Variants in TRMO observed in about 807,000 individuals in gnomAD.
The protein encoded by TRMO is tRNA methyltransferase O.
TRMO carries 30 observed loss-of-function variants against 37.2 expected under a neutral mutation model. The ratio of observed to expected loss-of-function variants is 0.81; its 90% CI spans 0.60 to 1.09. The LOEUF (loss-of-function observed/expected upper bound fraction) is 1.09. Among genes scored for constraint, TRMO ranks in the 50% least tolerant of loss-of-function variants. The probability of loss-of-function intolerance (pLI) is 0.00; values close to 1 mark genes in which losing one functional copy is unlikely to be tolerated. For missense variants in TRMO, 552 were observed against 549.5 expected (o/e 1.00, Z -0.05); for synonymous variants, 239 against 199.4 (o/e 1.20, Z -1.67).
rs1826056734 is a variant in TRMO at position 97,910,345 on chromosome 9, T to A, written c.681A>T (p.Ser227=). 1 of 1,614,120 alleles carries A rather than the reference T, an allele frequency of 6.2e-7. No individual in the cohort carries two copies. Among genetic ancestry groups the A allele is most frequent in the African/African-American group, 1.3e-5 (1 of 74,936 alleles). ...RKPKCPEDRT[S]EENYLTHSDT... Reference sequence around the variant, plus strand: ...CACTGTGTGTCAGGTAGTTTTCTTCTGAAGTTCTGTCTTCAGGACATTTAG... The same window carrying A: ...CACTGTGTGTCAGGTAGTTTTCTTCAGAAGTTCTGTCTTCAGGACATTTAG... Residue 227 remains serine (S), a synonymous_variant, in exon 4 of 5, where the codon TCA becomes TCT. Transcript: ENST00000375119.
chr9:97,901,510 C>T (rs1831168646), downstream of TRMO, among the ~76,000 whole-genome samples: 1 of 152,120 alleles, frequency 6.6e-6, no homozygotes, highest in African/African-American at 2.4e-5. Flanking sequence ...TTTGAGTTTT[C>T]TTGTAGCTCA....
chr9:97,913,945 G>A (rs1826243446), intron 2 of TRMO: 1 of 157,346 alleles, frequency 6.4e-6, no homozygotes, highest in Admixed American at 6.4e-5. Flanking sequence ...CCATTTTTGG[G>A]ATGAGGAAAT....
At chr9:97,919,154 G>A (rs1220547533) in intron 1 of TRMO, among the ~76,000 whole-genome samples, 1 of 151,928 alleles carries the variant, frequency 6.6e-6, no homozygotes, top group African/African-American at 2.4e-5. Flanking sequence ...TGCTTCTATG[G>A]AACAGATATA....
chr9:97,922,315 A>G (rs894832511), intron 1 of TRMO, 103 bp downstream of exon 1: 32 of 759,468 alleles, frequency 4.2e-5, no homozygotes, highest in Non-Finnish European at 6.1e-5. Flanking sequence ...AGAATGACGC[A>G]CGTCAGTTCC....
downstream of TRMO, among the ~76,000 whole-genome samples, chr9:97,904,238 T>C (rs1587826834): frequency 6.6e-6 from 1 of 152,210 alleles, no homozygotes; most frequent in South Asian, 2.1e-4. Flanking sequence ...TGTGTGACTA[T>C]GTCACAAAGT....
intron 4 of TRMO, among the ~76,000 whole-genome samples, chr9:97,908,799 T>G (rs1178469181): frequency 6.6e-6 from 1 of 152,222 alleles, no homozygotes; most frequent in African/African-American, 2.4e-5. Context: ...TGTTCACTGA[T>G]GTATTCCAAG....
Position 97,922,407 on chromosome 9 carries a change from T to A in TRMO, c.76+11A>T, listed in dbSNP as rs187366296. ...TCTCCAGAGTGTGGCACCGCCGGTG[T>A]TGGAAGTTACCTGTCTCCAGAGCCG... On this transcript the variant is annotated intron_variant, in intron 1 of 4. Coordinates refer to ENST00000375119, the MANE Select transcript of TRMO (RefSeq NM_016481.5). The A allele has an allele frequency of 4.8e-5, 75 of 1,557,816 alleles. No homozygotes were observed. The highest frequency in any genetic ancestry group is 6.3e-5 in the Non-Finnish European group (72 of 1,144,856).
chr9:97,920,884 T>C (rs1022225823), intron 1 of TRMO, among the ~76,000 whole-genome samples: 10 of 152,244 alleles, frequency 6.6e-5, no homozygotes, highest in Non-Finnish European at 1.5e-4. Context: ...TATTCTCCAC[T>C]GTTAACAGAC....
chr9:97,906,058 G>A (rs1252277806), intron 4 of TRMO, among the ~76,000 whole-genome samples: 1 of 151,790 alleles, frequency 6.6e-6, no homozygotes, highest in Admixed American at 6.6e-5. Context: ...TAGCTACTCA[G>A]GAGGCAGGAG....
At position 97,904,758 on chromosome 9, in the gene TRMO, C is replaced by T. The variant is rs749794578; in HGVS notation, c.1301G>A (p.Gly434Glu). ...TTAAGACCCTAGAGACACCAAGGAC[C>T]CCACAGGGCCAGTCATATGAACAGG... ...SEPVHMTGPVGSLVSLGS is the reference protein window; with the variant it reads ...SEPVHMTGPVESLVSLGS Residue 434 changes from glycine to glutamate, a missense_variant, in exon 5 of 5, where the codon GGG becomes GAG. By Grantham distance (98) the Gly-to-Glu change is moderately conservative. Coordinates refer to ENST00000375119, the MANE Select transcript of TRMO (RefSeq NM_016481.5). 6.2e-7 allele frequency: 1 copy of T among 1,611,380 alleles called. No individual in the cohort carries two copies. Among genetic ancestry groups the T allele is most frequent in the Non-Finnish European group, 8.5e-7 (1 of 1,180,000 alleles).
At chr9:97,905,613 CAT>C (rs1825822257) in intron 4 of TRMO, among the ~76,000 whole-genome samples, 1 of 152,112 alleles carries the variant, frequency 6.6e-6, no homozygotes, top group South Asian at 2.1e-4. Flanking sequence ...ATGTATAAAA[CAT>C]AAATTTAGAA....
intron 1 of TRMO, among the ~76,000 whole-genome samples, chr9:97,922,130 C>A (rs973249174): frequency 6.6e-6 from 1 of 152,186 alleles, no homozygotes; most frequent in Non-Finnish European, 1.5e-5. Context: ...GGCAAGGAAA[C>A]CCCTAAGAGA....
downstream of TRMO, among the ~76,000 whole-genome samples, chr9:97,901,472 T>C (rs1158962062): frequency 6.6e-6 from 1 of 152,218 alleles, no homozygotes; most frequent in African/African-American, 2.4e-5. Flanking sequence ...GCTGTAACAC[T>C]ATTTTTGACA....
At chr9:97,898,568 G>T in the TRMO span, among the ~76,000 whole-genome samples, 1,322 of 151,896 alleles carry the variant, frequency 8.7e-3, 13 homozygotes, top group Non-Finnish European at 0.014. Context: ...AAAAAATTTT[G>T]TTTTAGAGAC....
chr9:97,907,171 T>C (rs900442854), intron 4 of TRMO, among the ~76,000 whole-genome samples: 1 of 152,228 alleles, frequency 6.6e-6, no homozygotes, highest in Non-Finnish European at 1.5e-5. Context: ...ACCACGAGAC[T>C]GCCGTGTCCA....
At position 97,916,230 on chromosome 9, in the gene TRMO, A is replaced by T; in HGVS notation, c.185T>A (p.Ile62Asn). Residue 62 changes from isoleucine (I) to asparagine (N), a missense_variant, in exon 2 of 5, where the codon ATT (isoleucine) becomes AAT (asparagine). Coordinates refer to ENST00000375119, the MANE Select transcript of TRMO (RefSeq NM_016481.5). ...AGGATTATTAAAGATCCTCTTTCTAATCCTCAAACAGGCTCGAGAATAGCT... is the reference window on the plus strand; with the variant it reads ...AGGATTATTAAAGATCCTCTTTCTATTCCTCAAACAGGCTCGAGAATAGCT... ...ICSYSRACLR[I>N]RKRIFNNPEH... 1.9e-6 allele frequency: 3 copies of T among 1,613,736 alleles called. No individual in the cohort carries two copies. Among genetic ancestry groups the T allele is most frequent in the Non-Finnish European group, 2.5e-6 (3 of 1,179,736 alleles).
intron 1 of TRMO, among the ~76,000 whole-genome samples, chr9:97,919,726 A>T (rs1011302937): frequency 3.3e-5 from 5 of 152,218 alleles, no homozygotes; most frequent in African/African-American, 1.2e-4. Flanking sequence ...CCTGTTTTTC[A>T]CAGATTACAC....
intron 4 of TRMO, among the ~76,000 whole-genome samples, chr9:97,908,665 A>C (rs183468794): frequency 1.3e-5 from 2 of 152,296 alleles, no homozygotes; most frequent in African/African-American, 4.8e-5. Flanking sequence ...ATCACCTTCT[A>C]ATATTATATA....
chr9:97,921,109 G>A (rs1160136923), intron 1 of TRMO, among the ~76,000 whole-genome samples: 4 of 152,226 alleles, frequency 2.6e-5, no homozygotes, highest in Non-Finnish European at 5.9e-5. Flanking sequence ...CATTTGGCCA[G>A]GTAATAGCAC....
Sources: allele counts gnomAD v4.1 joint callset (sites outside exome capture counted in the v4.1 genomes callset), GRCh38; gene constraint gnomAD v4.1.1; transcripts MANE v1.5; gene names NCBI Gene and HGNC (gene_info 2026-07-23, HGNC 2026-07-21).